Variants in SLMAP observed in about 807,000 individuals in gnomAD.
SLMAP encodes the protein sarcolemma associated protein.
SLMAP carries 44 observed loss-of-function variants against 128.8 expected under a neutral mutation model. The ratio of observed to expected loss-of-function variants is 0.34; its 90% CI spans 0.27 to 0.44. The LOEUF is 0.44. SLMAP is among the 20% of genes least tolerant of loss of function. SLMAP has a pLI of 1.00. For synonymous variants in SLMAP, 327 were observed against 348.8 expected, an observed-to-expected ratio of 0.94 and a Z score of 0.70; for missense variants, 787 against 985.3, an observed-to-expected ratio of 0.80 and a Z score of 2.69.
At chr3:57,823,861 C>G (rs1237702834) in intron 2 of SLMAP, among the ~76,000 whole-genome samples, 3 of 152,162 alleles carry the variant, frequency 2.0e-5, no homozygotes, top group Admixed American at 6.5e-5. Context: ...TCCTATTTCT[C>G]CACATCCTCT....
At chr3:57,776,150 C>T (rs1381620935) in intron 2 of SLMAP, among the ~76,000 whole-genome samples, 1 of 152,120 alleles carries the variant, frequency 6.6e-6, no homozygotes, top group East Asian at 1.9e-4. Flanking sequence ...CTTAAGCTTT[C>T]TTTATTTTTG....
intron 21 of SLMAP, 133 bp from the exon 22 acceptor site, chr3:57,916,773 A>T (rs1284162103): frequency 3.0e-6 from 2 of 669,274 alleles, no homozygotes; most frequent in South Asian, 2.7e-5. Context: ...AAAATATTTC[A>T]TTCTTTTTTA....
intron 14 of SLMAP, among the ~76,000 whole-genome samples, chr3:57,877,211 TTA>T (rs1181937239): frequency 6.6e-6 from 1 of 152,138 alleles, no homozygotes; most frequent in African/African-American, 2.4e-5. Context: ...CTAGGAAAAA[TTA>T]TAGTCACTAT....
Position 57,861,123 on chromosome 3 carries a change from GT to G in SLMAP, c.828+285del, listed in dbSNP as rs141468756. Among the ~76,000 whole-genome samples, 17,600 of 152,142 alleles carry G rather than the reference GT, an allele frequency of 0.12. 1,109 individuals are homozygous for G. Among genetic ancestry groups the G allele is most frequent in the South Asian group, 0.15 (744 of 4,820 alleles). On this transcript the variant is annotated intron_variant, in intron 9 of 24. Coordinates refer to ENST00000671191, the MANE Select transcript of SLMAP (RefSeq NM_001377540.1). ...CCCTCCATACAGCAGACCATGATAT[GT>G]GCTGGGGAATTGATTTCCTGTCACT...
chr3:57,776,061 C>G (rs2081876737), intron 2 of SLMAP, among the ~76,000 whole-genome samples: 1 of 152,172 alleles, frequency 6.6e-6, no homozygotes, highest in South Asian at 2.1e-4. Context: ...ATTCTCCCTT[C>G]TGGAATCAAT....
intron 14 of SLMAP, among the ~76,000 whole-genome samples, chr3:57,879,959 A>T (rs2095691927): frequency 6.6e-6 from 1 of 151,730 alleles, no homozygotes; most frequent in Admixed American, 6.6e-5. Context: ...CAAAAAAAAA[A>T]AAATAAAAAT....
rs1036181235 is a variant in SLMAP, at chr3:57,900,235, G to A, written c.1501+3303G>A. The A allele has an allele frequency of 5.3e-5, 8 of 151,698 alleles. No homozygotes were observed. In the South Asian group the frequency reaches 8.3e-4, roughly 16 times the overall value. The allele number at this position is 151,698 out of a possible 1,614,324, so 9.4% of individuals were successfully genotyped here. Reference sequence around the variant, plus strand: ...CAATCTTTTTCTTTAGATTTATTGTGTACGACTTGTCACATTTGTCAGCTA... The same window carrying A: ...CAATCTTTTTCTTTAGATTTATTGTATACGACTTGTCACATTTGTCAGCTA... On this transcript the variant is annotated intron_variant, in intron 17 of 24. Transcript: ENST00000671191.
chr3:57,871,075 G>T (rs1318649572), intron 13 of SLMAP, among the ~76,000 whole-genome samples: 2 of 151,994 alleles, frequency 1.3e-5, no homozygotes, highest in Non-Finnish European at 2.9e-5. Context: ...TGGTCATTTG[G>T]GCAGAGATAA....
At chr3:57,890,612 G>C (rs886362969) in intron 15 of SLMAP, 2 of 152,388 alleles carry the variant, frequency 1.3e-5, no homozygotes, top group Non-Finnish European at 2.9e-5. Context: ...TATTTTATGA[G>C]TAGTCCAGTA....
chr3:57,872,226 TG>T (rs1242507917), intron 14 of SLMAP, among the ~76,000 whole-genome samples: 10 of 151,798 alleles, frequency 6.6e-5, no homozygotes, highest in Admixed American at 4.6e-4. Flanking sequence ...CGCTTGAACC[TG>T]GTAGGCAGAT....
chr3:57,817,535 G>A (rs1413572614), intron 2 of SLMAP, among the ~76,000 whole-genome samples: 1 of 152,144 alleles, frequency 6.6e-6, no homozygotes, highest in Non-Finnish European at 1.5e-5. Context: ...TTTAGGATTG[G>A]GAATACCCCA....
At chr3:57,904,991 C>T (rs970705863) in intron 17 of SLMAP, among the ~76,000 whole-genome samples, 1 of 152,068 alleles carries the variant, frequency 6.6e-6, no homozygotes, top group African/African-American at 2.4e-5. Flanking sequence ...AGCTTGAGCC[C>T]AGGAGGTCAA....
At chr3:57,898,614 ATTT>A (rs2096295146) in intron 17 of SLMAP, 1 of 152,024 alleles carries the variant, frequency 6.6e-6, no homozygotes, top group Admixed American at 6.6e-5. Context: ...TGCTTTTGTG[ATTT>A]TTGTCAGTCT....
At chr3:57,760,733 A>G (rs2078455673) in intron 2 of SLMAP, among the ~76,000 whole-genome samples, 2 of 151,434 alleles carry the variant, frequency 1.3e-5, no homozygotes, top group Admixed American at 6.6e-5. Flanking sequence ...AAAAAAAAAA[A>G]GAATCCCTTC....
intron 3 of SLMAP, among the ~76,000 whole-genome samples, chr3:57,835,383 C>T (rs1040265349): frequency 3.3e-5 from 5 of 151,832 alleles, no homozygotes; most frequent in Non-Finnish European, 7.4e-5. Context: ...CACTTGAGCC[C>T]AGGAAGTTGA....
intron 2 of SLMAP, among the ~76,000 whole-genome samples, chr3:57,813,700 A>C (rs1159734715): frequency 6.6e-6 from 1 of 152,230 alleles, no homozygotes; most frequent in East Asian, 1.9e-4. Flanking sequence ...GGATGTGTAT[A>C]GGTGTTAATG....
chr3:57,895,630 G>A (rs929479299), intron 15 of SLMAP, among the ~76,000 whole-genome samples: 1 of 151,880 alleles, frequency 6.6e-6, no homozygotes, highest in African/African-American at 2.4e-5. Context: ...CACTGCGCCT[G>A]GCCCTAAACT....
At chr3:57,806,995 G>C (rs1473955052) in intron 2 of SLMAP, among the ~76,000 whole-genome samples, 1 of 152,132 alleles carries the variant, frequency 6.6e-6, no homozygotes, top group Non-Finnish European at 1.5e-5. Context: ...GTGTAAAAGT[G>C]TTCCTGTTTC....
At chr3:57,924,406 T>A (rs1288583255) in intron 23 of SLMAP, among the ~76,000 whole-genome samples, 3 of 152,022 alleles carry the variant, frequency 2.0e-5, no homozygotes, top group African/African-American at 7.2e-5. Context: ...TTTGCTCTTG[T>A]TGCCCAGGCT....
Sources: gnomAD v4.1 joint callset for allele counts (sites outside exome capture counted in the v4.1 genomes callset) on GRCh38, gnomAD v4.1.1 for gene constraint, MANE v1.5 for transcripts, NCBI Gene and HGNC (gene_info 2026-07-23, HGNC 2026-07-21) for gene names.